SEMA6D: variants seen among roughly 807,000 people sequenced by gnomAD.
The protein encoded by SEMA6D is semaphorin 6D.
Under a neutral mutation model 106.6 loss-of-function variants are expected in SEMA6D, and 35 were observed. That is an observed-to-expected ratio of 0.33 (90% confidence interval 0.25 to 0.44). SEMA6D has a LOEUF of 0.44. Ranked by LOEUF, SEMA6D falls within the 20% of genes least tolerant of loss-of-function variation. The probability of loss-of-function intolerance (pLI) is 1.00; values close to 1 mark genes in which losing one functional copy is unlikely to be tolerated. For synonymous variants in SEMA6D, 499 were observed against 487.7 expected, an observed-to-expected ratio of 1.02 and a Z score of -0.31; for missense variants, 1,185 against 1,345.9, an observed-to-expected ratio of 0.88 and a Z score of 1.87.
intron 1 of SEMA6D, among the ~76,000 whole-genome samples, chr15:47,732,294 G>A (rs2080175609): frequency 6.6e-6 from 1 of 152,206 alleles, no homozygotes; most frequent in African/African-American, 2.4e-5. Context: ...AGTCATCAAA[G>A]ACTCAGGTGT....
At chr15:47,370,194 A>G (rs1161833919) in intron 1 of SEMA6D, among the ~76,000 whole-genome samples, 1 of 152,208 alleles carries the variant, frequency 6.6e-6, no homozygotes, top group Non-Finnish European at 1.5e-5. Flanking sequence ...TGTCAGGTTT[A>G]TGATGAGAAA....
intron 1 of SEMA6D, among the ~76,000 whole-genome samples, chr15:47,391,150 C>G (rs969632236): frequency 1.3e-5 from 2 of 152,148 alleles, no homozygotes; most frequent in African/African-American, 4.8e-5. Flanking sequence ...CTCTACCAGA[C>G]AGCAGTTCAT....
chr15:47,523,259 C>T (rs1307435324), intron 3 of SEMA6D, among the ~76,000 whole-genome samples: 1 of 152,046 alleles, frequency 6.6e-6, no homozygotes, highest in Non-Finnish European at 1.5e-5. Context: ...TCAGAGAGCT[C>T]CCAGTCAAGT....
chr15:47,702,212 A>T (rs1412570266), intron 4 of SEMA6D, among the ~76,000 whole-genome samples: 1 of 152,156 alleles, frequency 6.6e-6, no homozygotes, highest in Admixed American at 6.5e-5. Context: ...ATGGGCCAAA[A>T]CCTTCAGAAA....
chr15:47,328,966 T>C (rs1422847966), intron 1 of SEMA6D, among the ~76,000 whole-genome samples: 1 of 152,256 alleles, frequency 6.6e-6, no homozygotes, highest in Middle Eastern at 3.2e-3. Flanking sequence ...TAATAAACTT[T>C]AAGCTTCTTA....
intron 1 of SEMA6D, among the ~76,000 whole-genome samples, chr15:47,295,863 C>G (rs866712393): frequency 6.6e-6 from 1 of 152,298 alleles, no homozygotes; most frequent in South Asian, 2.1e-4. Flanking sequence ...CTTAGCCTTT[C>G]AAACTCACCT....
intron 3 of SEMA6D, among the ~76,000 whole-genome samples, chr15:47,472,878 C>T (rs886736796): frequency 6.6e-6 from 1 of 152,070 alleles, no homozygotes; most frequent in African/African-American, 2.4e-5. Flanking sequence ...TTTGTTCTGT[C>T]AAGGACTACT....
chr15:47,497,157 C>T (rs1243664050), intron 3 of SEMA6D, among the ~76,000 whole-genome samples: 1 of 151,998 alleles, frequency 6.6e-6, no homozygotes, highest in African/African-American at 2.4e-5. Flanking sequence ...GAGAAAGAAA[C>T]ATTCCTCTTT....
chr15:47,556,073 G>T (rs969210914), intron 3 of SEMA6D, among the ~76,000 whole-genome samples: 1 of 152,110 alleles, frequency 6.6e-6, no homozygotes, highest in Non-Finnish European at 1.5e-5. Context: ...AATTCCAGCA[G>T]AAATAGAAAT....
intron 1 of SEMA6D, among the ~76,000 whole-genome samples, chr15:47,278,893 T>C (rs1415334315): frequency 6.8e-6 from 1 of 147,342 alleles, no homozygotes; most frequent in African/African-American, 2.5e-5. Flanking sequence ...TTGCTTGTTT[T>C]TCTCAGGTTT....
chr15:47,436,559 G>A (rs1169962614), intron 2 of SEMA6D, among the ~76,000 whole-genome samples: 1 of 150,506 alleles, frequency 6.6e-6, no homozygotes, highest in Admixed American at 6.6e-5. Context: ...TTTATCTCAA[G>A]TAGAAGTTTA....
intron 1 of SEMA6D, among the ~76,000 whole-genome samples, chr15:47,202,468 G>A (rs1022945130): frequency 2.0e-5 from 3 of 152,058 alleles, no homozygotes; most frequent in Non-Finnish European, 4.4e-5. Context: ...TACAACTCCA[G>A]TAGACACACT....
intron 1 of SEMA6D, among the ~76,000 whole-genome samples, chr15:47,351,466 C>G (rs528344567): frequency 6.6e-6 from 1 of 152,082 alleles, no homozygotes; most frequent in Non-Finnish European, 1.5e-5. Context: ...TGTATATTAT[C>G]TCATTTAATC....
chr15:47,505,468 T>A (rs2044008322), intron 3 of SEMA6D, among the ~76,000 whole-genome samples: 1 of 152,168 alleles, frequency 6.6e-6, no homozygotes, highest in Non-Finnish European at 1.5e-5. Context: ...CATAAAAGAC[T>A]GATAAAGAAC....
At chr15:47,382,940 G>A (rs996949546) in intron 1 of SEMA6D, among the ~76,000 whole-genome samples, 10 of 85,032 alleles carry the variant, frequency 1.2e-4, no homozygotes, top group Admixed American at 2.4e-4. Flanking sequence ...GCTAATTTTT[G>A]TATTTTAATA....
chr15:47,454,672 A>G (rs982225496), intron 2 of SEMA6D, among the ~76,000 whole-genome samples: 4 of 151,848 alleles, frequency 2.6e-5, no homozygotes, highest in African/African-American at 9.7e-5. Context: ...TACTGACATT[A>G]TATGATAGGA....
upstream of SEMA6D, among the ~76,000 whole-genome samples, chr15:47,716,446 C>T (rs185810829): frequency 6.0e-4 from 91 of 152,232 alleles, 1 homozygote; most frequent in East Asian, 9.3e-3. Flanking sequence ...GTCCTTTCTG[C>T]GCCCCTCTCT....
chr15:47,739,154 G>A (rs987865219), intron 1 of SEMA6D, among the ~76,000 whole-genome samples: 1 of 152,252 alleles, frequency 6.6e-6, no homozygotes, highest in African/African-American at 2.4e-5. Context: ...TCACAGGGAG[G>A]ATATATACAC....
chr15:47,566,433 A>C (rs2142805665), intron 3 of SEMA6D, among the ~76,000 whole-genome samples: 1 of 152,336 alleles, frequency 6.6e-6, no homozygotes, highest in Admixed American at 6.5e-5. Flanking sequence ...TGAGCTTTGG[A>C]CCAACTGTAT....
Sources: gnomAD v4.1 joint callset for allele counts (sites outside exome capture counted in the v4.1 genomes callset) on GRCh38, gnomAD v4.1.1 for gene constraint, MANE v1.5 for transcripts, NCBI Gene and HGNC (gene_info 2026-07-23, HGNC 2026-07-21) for gene names.